The following WASHC2A variants were observed in gnomAD, a reference collection of about 807,000 sequenced individuals.
WASHC2A encodes the protein WASH complex subunit 2A.
Under a neutral mutation model 140.3 loss-of-function variants are expected in WASHC2A, and 82 were observed. The ratio of observed to expected loss-of-function variants is 0.58; its 90% CI spans 0.49 to 0.70. The LOEUF (loss-of-function observed/expected upper bound fraction) is 0.70, where lower values mean the gene tolerates loss of function less well. WASHC2A is among the 30% of genes least tolerant of loss of function. WASHC2A has a pLI of 0.00. For missense variants in WASHC2A, 985 were observed against 1,521.8 expected, an observed-to-expected ratio of 0.65 and a Z score of 5.87; for synonymous variants, 340 against 560.8, an observed-to-expected ratio of 0.61 and a Z score of 5.56.
intron 17 of WASHC2A, among the ~76,000 whole-genome samples, chr10:50,100,649 G>T (rs1841036362): frequency 6.6e-6 from 1 of 152,210 alleles, no homozygotes; most frequent in East Asian, 1.9e-4. Context: ...GGCTCATGAT[G>T]TGATGAGGAG....
intron 23 of WASHC2A, among the ~76,000 whole-genome samples, chr10:50,124,453 T>C (rs1554894255): frequency 3.3e-5 from 5 of 151,854 alleles, no homozygotes; most frequent in Admixed American, 1.3e-4. Flanking sequence ...AGGGATGAAT[T>C]TTAGAATGTC....
intron 11 of WASHC2A, 84 bp downstream of exon 11, chr10:50,092,317 A>G (rs1388286926): frequency 2.7e-5 from 28 of 1,048,256 alleles, no homozygotes; most frequent in Non-Finnish European, 3.6e-5. Flanking sequence ...GTACTGCTTT[A>G]CATGCTGTTT....
At chr10:50,069,352 G>A (rs1320763666) in intron 2 of WASHC2A, among the ~76,000 whole-genome samples, 195 bp from the exon 3 acceptor site, 1 of 151,906 alleles carries the variant, frequency 6.6e-6, no homozygotes, top group Non-Finnish European at 1.5e-5. Flanking sequence ...CTTGAACGCG[G>A]GAGGTGCAGT....
chr10:50,078,917 A>G (rs1233252231), intron 4 of WASHC2A, among the ~76,000 whole-genome samples, 180 bp downstream of exon 4: 1 of 152,230 alleles, frequency 6.6e-6, no homozygotes, highest in Non-Finnish European at 1.5e-5. Context: ...ATTAACTAAT[A>G]CAGAGATCAA....
At chr10:50,102,745 T>G (rs1357949739) in intron 17 of WASHC2A, among the ~76,000 whole-genome samples, 152 of 150,448 alleles carry the variant, frequency 1.0e-3, no homozygotes, top group African/African-American at 3.5e-3. Flanking sequence ...GTATTGAAGT[T>G]TATCTTCCCA....
chr10:50,093,977 C>T, intron 13 of WASHC2A, 60 bp downstream of exon 13: 4 of 1,595,904 alleles, frequency 2.5e-6, no homozygotes, highest in Non-Finnish European at 2.6e-6. Flanking sequence ...GTCTTTCTCA[C>T]TAGGAGATGG....
chr10:50,079,465 C>T (rs1838694752), intron 4 of WASHC2A, among the ~76,000 whole-genome samples: 1 of 152,196 alleles, frequency 6.6e-6, no homozygotes, highest in African/African-American at 2.4e-5. Context: ...GGCACGATAT[C>T]AGCTCACTGC....
rs1843490919 is a variant in WASHC2A, at chr10:50,127,004, G to A, written c.2812-156G>A. ...GAGGCATACGTGAAGTAGTGCTAGT[G>A]AAACATCAGGCCCCAGGAGAGATTT... On this transcript the variant is annotated intron_variant, in intron 26 of 30. Coordinates refer to ENST00000282633, the MANE Select transcript of WASHC2A (RefSeq NM_001005751.3). 7.2e-5 allele frequency among the ~76,000 whole-genome samples: 11 copies of A among 152,172 alleles called. No individual in the cohort carries two copies. In the South Asian group the frequency reaches 2.3e-3, roughly 32 times the overall value.
At chr10:50,116,621 A>G (rs1842705774) in intron 21 of WASHC2A, among the ~76,000 whole-genome samples, 1 of 150,668 alleles carries the variant, frequency 6.6e-6, no homozygotes, top group Non-Finnish European at 1.5e-5. Flanking sequence ...CCTGCACTGA[A>G]TTTTTATGTA....
chr10:50,124,329 C>G (rs1843239892), intron 23 of WASHC2A, among the ~76,000 whole-genome samples: 3 of 151,604 alleles, frequency 2.0e-5, no homozygotes, highest in South Asian at 4.2e-4. Context: ...GTCTCGAACT[C>G]CTGGCCTCTG....
chr10:50,107,612 C>CAA (rs148718390), intron 19 of WASHC2A, among the ~76,000 whole-genome samples: 109 of 150,542 alleles, frequency 7.2e-4, no homozygotes, highest in East Asian at 1.8e-3. Context: ...AAGCAGATTG[C>CAA]AAAAAAAAAT....
intron 29 of WASHC2A, 48 bp downstream of exon 29, chr10:50,130,087 T>C (rs1465277362): frequency 2.2e-5 from 35 of 1,609,938 alleles, no homozygotes; most frequent in Non-Finnish European, 2.6e-5. Context: ...TTAAGGAAGG[T>C]ATCTGATTGG....
At position 50,095,690 on chromosome 10, in the gene WASHC2A, T is replaced by G. The variant is rs2305303; in HGVS notation, c.1332T>G (p.Gly444=). ...CCACTCCAAGGAAAAGCCCCTATGG[T>G]CCCCCTCCCACTGGCCTCTTTGATG... The part of the protein sequence containing the change: ...EQPTPRKSPY[G]PPPTGLFDDD... Residue 444 remains glycine (G), a synonymous_variant, in exon 15 of 31, where the codon GGT becomes GGG. Coordinates refer to ENST00000282633, the MANE Select transcript of WASHC2A (RefSeq NM_001005751.3). 0.23 allele frequency: 362,414 copies of G among 1,609,380 alleles called. 44,355 individuals are homozygous for G. Among genetic ancestry groups the G allele is most frequent in the East Asian group, 0.64 (28,579 of 44,406 alleles).
At chr10:50,109,262 C>T (rs878886977) in intron 19 of WASHC2A, among the ~76,000 whole-genome samples, 61 of 152,130 alleles carry the variant, frequency 4.0e-4, no homozygotes, top group African/African-American at 1.4e-3. Flanking sequence ...TGAGCATAGT[C>T]GAGTAGAATT....
At chr10:50,075,617 C>G (rs1414798328) in intron 3 of WASHC2A, among the ~76,000 whole-genome samples, 2 of 148,740 alleles carry the variant, frequency 1.3e-5, no homozygotes, top group Non-Finnish European at 3.0e-5. Context: ...TCATTTTTAT[C>G]CCTTATAGAT....
At chr10:50,071,953 G>T (rs1370296043) in intron 3 of WASHC2A, among the ~76,000 whole-genome samples, 6 of 140,826 alleles carry the variant, frequency 4.3e-5, no homozygotes, top group African/African-American at 1.6e-4. Flanking sequence ...CTGTCATCCA[G>T]GCTGGAGTGC....
chr10:50,084,725 G>A (rs1396391881), intron 6 of WASHC2A, among the ~76,000 whole-genome samples: 31 of 133,502 alleles, frequency 2.3e-4, no homozygotes, highest in African/African-American at 7.7e-4. Context: ...CACCGTGCCC[G>A]GCTGTTTTTC....
At chr10:50,074,854 T>G (rs1838162452) in intron 3 of WASHC2A, among the ~76,000 whole-genome samples, 1 of 152,066 alleles carries the variant, frequency 6.6e-6, no homozygotes, top group Non-Finnish European at 1.5e-5. Flanking sequence ...AGGCAGAGCT[T>G]GCAGTGAGCC....
chr10:50,088,000 G>C (rs1194389418), intron 8 of WASHC2A, among the ~76,000 whole-genome samples: 1 of 151,718 alleles, frequency 6.6e-6, no homozygotes, highest in Non-Finnish European at 1.5e-5. Context: ...TGTATTTTTA[G>C]TAGAGATGGG....
Sources: gnomAD v4.1 joint callset for allele counts (sites outside exome capture counted in the v4.1 genomes callset) on GRCh38, gnomAD v4.1.1 for gene constraint, MANE v1.5 for transcripts, NCBI Gene and HGNC (gene_info 2026-07-23, HGNC 2026-07-21) for gene names.